HDAC1: variants seen among roughly 807,000 people sequenced by gnomAD.
The protein encoded by HDAC1 is protein deacetylase HDAC1.
Under a neutral mutation model 65.5 loss-of-function variants are expected in HDAC1, and 18 were observed. The observed-to-expected ratio is 0.27, with a 90% CI of 0.19 to 0.41. The LOEUF (loss-of-function observed/expected upper bound fraction) is 0.41, where lower values mean the gene tolerates loss of function less well. Ranked by LOEUF, HDAC1 falls within the 10% of genes least tolerant of loss-of-function variation. The pLI, the probability that HDAC1 is intolerant of heterozygous loss-of-function variation, is 1.00. For synonymous variants in HDAC1, 211 were observed against 227.9 expected (o/e 0.93, Z 0.67); for missense variants, 373 against 625.2 (o/e 0.60, Z 4.30).
intron 3 of HDAC1, among the ~76,000 whole-genome samples, chr1:32,317,418 C>T (rs1641079540): frequency 6.6e-6 from 1 of 152,110 alleles, no homozygotes; most frequent in African/African-American, 2.4e-5. Context: ...CCTGACTTCC[C>T]CCTTGTGTTA....
At position 32,332,052 on chromosome 1, in the gene HDAC1, C is replaced by T. The variant is rs370426800; in HGVS notation, c.1220-38C>T. The T allele has an allele frequency of 5.4e-5, 82 of 1,530,748 alleles. No homozygotes were observed. The African/African-American group carries it at 9.2e-4, about 17-fold the overall frequency. The allele number at this position is 1,530,748 out of a possible 1,614,324, so 94.8% of individuals were successfully genotyped here. On this transcript the variant is annotated intron_variant, in intron 11 of 13. Transcript: ENST00000373548. Reference sequence around the variant, plus strand: ...ATAGATGCTGAGCTAAATCAGCACCCGCCTGCCCTCTCACCCATGCTTCCC... The same window carrying T: ...ATAGATGCTGAGCTAAATCAGCACCTGCCTGCCCTCTCACCCATGCTTCCC...
At position 32,329,225 on chromosome 1, in the gene HDAC1, A is replaced by T; in HGVS notation, c.729+65A>T. 3.2e-6 allele frequency: 3 copies of T among 925,176 alleles called. No homozygotes were observed. Among genetic ancestry groups the T allele is most frequent in the South Asian group, 1.3e-5 (1 of 77,368 alleles). The allele number at this position is 925,176 out of a possible 1,614,324, so 57.3% of individuals were successfully genotyped here. On this transcript the variant is annotated intron_variant, in intron 7 of 13. Transcript: ENST00000373548. This position sits in a 1 kb window ranked among gnomAD's most constrained non-coding sequence, Gnocchi z 4.1. ...ATTGGTTGGCGGTGGAGGGGAGCAA[A>T]GCACCCCCACCATACCTCAGGAATC...
chr1:32,309,673 C>T (rs976328039), intron 2 of HDAC1, among the ~76,000 whole-genome samples: 10 of 125,028 alleles, frequency 8.0e-5, no homozygotes, highest in Non-Finnish European at 1.4e-4. Context: ...GGCAACAGAG[C>T]GAGTCTCAAA....
At chr1:32,296,246 G>C (rs1640765455) in intron 1 of HDAC1, among the ~76,000 whole-genome samples, 1 of 152,164 alleles carries the variant, frequency 6.6e-6, no homozygotes, top group Non-Finnish European at 1.5e-5. Context: ...GAACCAGAAA[G>C]TACTGGGTTG....
rs143711045 is a variant in HDAC1 at position 32,299,575 on chromosome 1, C to T, written c.50-3046C>T. Among the ~76,000 whole-genome samples, 721 of 152,288 alleles carry T rather than the reference C, an allele frequency of 4.7e-3. 5 individuals carry two copies. The highest frequency in any genetic ancestry group is 6.9e-3 in the Non-Finnish European group (467 of 68,010). The stretch of plus-strand genomic sequence containing the variant: ...CTAGGCTTGATAGGCAAGGGAGTTG[C>T]TAGGGATCAAGGCTCATGCCTTTTT... On this transcript the variant is annotated intron_variant, in intron 1 of 13. Coordinates refer to ENST00000373548, the MANE Select transcript of HDAC1 (RefSeq NM_004964.3).
Position 32,327,686 on chromosome 1 carries a change from G to T in HDAC1, c.636+9G>T, listed in dbSNP as rs570200610. ...GAACTGGGGACCTACGGGTGAGAAC[G>T]CCCTTTAGGAGCCAACCGGCTTACC... On this transcript the variant is annotated intron_variant, in intron 6 of 13. Transcript: ENST00000373548. The surrounding 1 kb of genome is among the most constrained non-coding windows in gnomAD (Gnocchi z 6.0). 6.2e-7 allele frequency: 1 copy of T among 1,613,738 alleles called. No individual in the cohort carries two copies. The highest frequency in any genetic ancestry group is 1.7e-5 in the Admixed American group (1 of 60,022).
At chr1:32,309,143 A>G (rs951970675) in intron 2 of HDAC1, among the ~76,000 whole-genome samples, 1 of 152,162 alleles carries the variant, frequency 6.6e-6, no homozygotes, top group Non-Finnish European at 1.5e-5. Context: ...ACAGTTATTC[A>G]TTGAGCAGGT....
rs765762274 is a variant in HDAC1, at chr1:32,331,817, G to C, written c.1219+11G>C. 1.9e-6 allele frequency: 3 copies of C among 1,601,822 alleles called. No homozygotes were observed. Among genetic ancestry groups the C allele is most frequent in the Non-Finnish European group, 2.6e-6 (3 of 1,173,454 alleles). On this transcript the variant is annotated intron_variant, in intron 11 of 13. Transcript: ENST00000373548. The surrounding 1 kb of genome is among the most constrained non-coding windows in gnomAD (Gnocchi z 4.2). ...ACAAGCGCATCTCGAGTGAGACCCA[G>C]ACCTAGAGCCCTATGCCTTCCATTC...
Position 32,331,130 on chromosome 1 carries a change from A to C in HDAC1, c.979+222A>C, listed in dbSNP as rs1432588473. Reference sequence around the variant, plus strand: ...TCTCCCTCCTGCTTTTGGTCTGGACAAAGTTCTCATTGGTAATTTACAGCT... The same window carrying C: ...TCTCCCTCCTGCTTTTGGTCTGGACCAAGTTCTCATTGGTAATTTACAGCT... On this transcript the variant is annotated intron_variant, in intron 9 of 13. Transcript: ENST00000373548. The surrounding 1 kb of genome is among the most constrained non-coding windows in gnomAD (Gnocchi z 4.2). Among the ~76,000 whole-genome samples, 15 of 152,198 alleles carry C rather than the reference A, an allele frequency of 9.9e-5. No homozygotes were observed. Among genetic ancestry groups the C allele is most frequent in the Admixed American group, 8.5e-4 (13 of 15,280 alleles).
At chr1:32,314,214 C>T (rs749689598) in intron 2 of HDAC1, among the ~76,000 whole-genome samples, 18 of 152,080 alleles carry the variant, frequency 1.2e-4, no homozygotes, top group Admixed American at 2.0e-4. Flanking sequence ...TTTTTTGAGA[C>T]GGGGTCTTGC....
rs927536348 is a variant in HDAC1, at chr1:32,330,502, G to A, written c.730-76G>A. On this transcript the variant is annotated intron_variant, in intron 7 of 13. Transcript: ENST00000373548. This position sits in a 1 kb window ranked among gnomAD's most constrained non-coding sequence, Gnocchi z 4.2. ...GAAAGGTAGGAGTGGGTGGGAAAGT[G>A]TTGCACCCAGCCTTTCCACTCCAAA... is the stretch of plus-strand genomic sequence containing the variant. 1.3e-4 allele frequency: 122 copies of A among 968,358 alleles called. No homozygotes were observed. The highest frequency in any genetic ancestry group is 1.9e-4 in the Non-Finnish European group (114 of 595,894). 60.0% of individuals were successfully genotyped at this position (968,358 alleles called of 1,614,324 possible).
rs1020237333 is a variant in HDAC1 at position 32,324,110 on chromosome 1, A to T, written c.281-369A>T. On this transcript the variant is annotated intron_variant, in intron 3 of 13. Transcript: ENST00000373548. ...GTGAGGCTCTGTCTCTAAAAAAAAA[A>T]AAAAGAAAAAAAAATTAGCTGGGTA... 5.2e-4 allele frequency among the ~76,000 whole-genome samples: 79 copies of T among 152,028 alleles called. 1 individual carries two copies. The highest frequency in any genetic ancestry group is 3.9e-3 in the Admixed American group (60 of 15,260).
intron 1 of HDAC1, among the ~76,000 whole-genome samples, chr1:32,297,432 G>A (rs1372069188): frequency 6.6e-6 from 1 of 152,034 alleles, no homozygotes; most frequent in Non-Finnish European, 1.5e-5. Context: ...GCCTGTAATC[G>A]CAGCTACTTG....
In HDAC1 at chr1:32,330,309, G is replaced by A; in HGVS notation, c.730-269G>A. The stretch of plus-strand genomic sequence containing the variant: ...AAGTGGCACTAGAGCTTGGGCAACA[G>A]AAGAGACTTAGGGAGTTGAGAGGGA... On this transcript the variant is annotated intron_variant, in intron 7 of 13. Coordinates refer to ENST00000373548, the MANE Select transcript of HDAC1 (RefSeq NM_004964.3). The surrounding 1 kb of genome is among the most constrained non-coding windows in gnomAD (Gnocchi z 4.2). 1 of 423,272 alleles carries A rather than the reference G, an allele frequency of 2.4e-6. No homozygotes were observed. The allele number at this position is 423,272 out of a possible 1,614,324, so 26.2% of individuals were successfully genotyped here. A position where few individuals can be genotyped will look rare whatever the true frequency, so the allele number is the denominator to read the frequency against.
chr1:32,328,930 T>G, intron 6 of HDAC1, 138 bp from the exon 7 acceptor site: 1 of 673,922 alleles, frequency 1.5e-6, no homozygotes, highest in Non-Finnish European at 2.7e-6. Context: ...ACTAACAAGG[T>G]ACCTCTGTTC....
intron 3 of HDAC1, among the ~76,000 whole-genome samples, chr1:32,320,899 CAA>C (rs1160071616): frequency 5.1e-4 from 12 of 23,378 alleles, no homozygotes; most frequent in Admixed American, 6.3e-4. Flanking sequence ...GACTCCATCT[CAA>C]AAAAAAAAAA....
At chr1:32,308,249 G>A (rs1281772424) in intron 2 of HDAC1, among the ~76,000 whole-genome samples, 5 of 152,172 alleles carry the variant, frequency 3.3e-5, no homozygotes, top group Non-Finnish European at 7.3e-5. Context: ...AACCTGGGAG[G>A]CAGAGGTTGC....
chr1:32,329,789 C>G lies in HDAC1; in HGVS notation c.729+629C>G, dbSNP rs988591363. 2 of 156,028 alleles carry G rather than the reference C, an allele frequency of 1.3e-5. No homozygotes were observed. Among genetic ancestry groups the G allele is most frequent in the African/African-American group, 4.8e-5 (2 of 41,416 alleles). 9.7% of individuals were successfully genotyped at this position (156,028 alleles called of 1,614,324 possible). On this transcript the variant is annotated intron_variant, in intron 7 of 13. Coordinates refer to ENST00000373548, the MANE Select transcript of HDAC1 (RefSeq NM_004964.3). The surrounding 1 kb of genome is among the most constrained non-coding windows in gnomAD (Gnocchi z 4.1). Reference sequence around the variant, plus strand: ...AGCCAGGGATGATTTCACAGAGGTGCTGATGTTTAAGCTGGACTTTGGAAA... The same window carrying G: ...AGCCAGGGATGATTTCACAGAGGTGGTGATGTTTAAGCTGGACTTTGGAAA...
intron 3 of HDAC1, among the ~76,000 whole-genome samples, chr1:32,323,073 C>T (rs944623361): frequency 2.0e-5 from 3 of 152,084 alleles, no homozygotes; most frequent in Non-Finnish European, 4.4e-5. Context: ...GAGGCCGAGG[C>T]GGGCGGATCA....
Sources: gnomAD v4.1 joint callset for allele counts (sites outside exome capture counted in the v4.1 genomes callset) on GRCh38, gnomAD v4.1.1 for gene constraint, Gnocchi (gnomAD v3.1) non-coding constraint, MANE v1.5 for transcripts, NCBI Gene and HGNC (gene_info 2026-07-23, HGNC 2026-07-21) for gene names.